PARP9: variants seen among roughly 807,000 people sequenced by gnomAD.
PARP9 encodes poly(ADP-ribose) polymerase family member 9.
In PARP9, 48 loss-of-function variants were observed where a neutral mutation model predicts 68.8. That is an observed-to-expected ratio of 0.70 (90% CI 0.55 to 0.89). The LOEUF (loss-of-function observed/expected upper bound fraction) is 0.89. PARP9 is among the 40% of genes least tolerant of loss of function. The pLI is 0.00. For synonymous variants in PARP9, 309 were observed against 333.8 expected (o/e 0.93, Z 0.81); for missense variants, 806 against 969.3 (o/e 0.83, Z 2.24).
At chr3:122,538,430 T>C (rs903923307) in intron 8 of PARP9, among the ~76,000 whole-genome samples, 6 of 152,236 alleles carry the variant, frequency 3.9e-5, no homozygotes, top group Non-Finnish European at 7.3e-5. Flanking sequence ...TGATATTCCT[T>C]ATAATGATAA....
intron 7 of PARP9, among the ~76,000 whole-genome samples, chr3:122,544,637 C>T (rs1470205571): frequency 2.6e-5 from 4 of 151,662 alleles, no homozygotes; most frequent in South Asian, 2.1e-4. Context: ...GGCAACATGG[C>T]GAAACCCCGT....
intron 7 of PARP9, among the ~76,000 whole-genome samples, chr3:122,544,248 T>C (rs1178256676): frequency 3.9e-5 from 6 of 152,322 alleles, no homozygotes; most frequent in African/African-American, 1.4e-4. Context: ...ATTCTTGATC[T>C]TTTCCAGTCA....
chr3:122,528,579 G>T lies in PARP9; in HGVS notation c.2245C>A (p.Leu749Met). 6.2e-7 allele frequency: 1 copy of T among 1,614,164 alleles called. No individual in the cohort carries two copies. Among genetic ancestry groups the T allele is most frequent in the East Asian group, 2.2e-5 (1 of 44,886 alleles). ...GHPLNIVPPP[L>M]SPGAIDGHDS... ...TGACCATCTATAGCTCCAGGACTCA[G>T]TGGTGGGGGAACAATATTTAACGGA... The change falls in exon 11 of 11, where the codon CTG (leucine) becomes ATG (methionine). Residue 749 changes from leucine to methionine, a missense_variant. Physicochemically the swap from Leu to Met is conservative, Grantham distance 15 (BLOSUM62 2). Coordinates refer to ENST00000682323, the MANE Select transcript of PARP9 (RefSeq NM_001146105.2).
intron 9 of PARP9, 77 bp from the exon 10 acceptor site, chr3:122,536,419 A>C (rs1211614055): frequency 6.5e-7 from 1 of 1,541,748 alleles, no homozygotes; most frequent in African/African-American, 1.4e-5. Context: ...CTGCTTCAAA[A>C]ATAAAGGAGC....
chr3:122,549,969 C>T (rs561278008), intron 6 of PARP9, among the ~76,000 whole-genome samples: 8 of 152,138 alleles, frequency 5.3e-5, no homozygotes, highest in African/African-American at 1.7e-4. Context: ...GGACCCCACA[C>T]TGAAACTAGA....
Position 122,555,739 on chromosome 3 carries a change from C to T in PARP9, c.432G>A (p.Glu144=). Residue 144 remains glutamate, a synonymous_variant, in exon 4 of 11, where the codon GAG becomes GAA. Transcript: ENST00000682323. ...VARYGKVSAG[E]IAVTGAGRLP... Reference sequence around the variant, plus strand: ...GCCTCCCTGCTCCCGTGACAGCTATCTCACCAGCTGACACTTTACCATATC... The same window carrying T: ...GCCTCCCTGCTCCCGTGACAGCTATTTCACCAGCTGACACTTTACCATATC... 3 of 1,614,106 alleles carry T rather than the reference C, an allele frequency of 1.9e-6. No homozygotes were observed. Among genetic ancestry groups the T allele is most frequent in the Admixed American group, 1.7e-5 (1 of 60,006 alleles).
Position 122,564,225 on chromosome 3 carries a change from G to A in PARP9, c.-90+20C>T. On this transcript the variant is annotated intron_variant, in intron 1 of 10. Coordinates refer to ENST00000682323, the MANE Select transcript of PARP9 (RefSeq NM_001146105.2). ...CAGGAGAGGGGACCCCGAGGGCCCA[G>A]AGGCACCGGACCTACTCACCCGGCA... The A allele has an allele frequency of 3.4e-6, 2 of 585,056 alleles. No individual in the cohort carries two copies. Among genetic ancestry groups the A allele is most frequent in the Non-Finnish European group, 5.7e-6 (2 of 353,982 alleles). The allele number at this position is 585,056 out of a possible 1,614,324, so 36.2% of individuals were successfully genotyped here.
intron 9 of PARP9, 69 bp from the exon 10 acceptor site, chr3:122,536,411 G>A (rs2077646162): frequency 1.3e-6 from 2 of 1,550,478 alleles, no homozygotes; most frequent in East Asian, 2.3e-5. Flanking sequence ...CTGCTATACT[G>A]CTTCAAAAAT....
chr3:122,563,705 C>A (rs994999008), intron 1 of PARP9, among the ~76,000 whole-genome samples: 3 of 151,994 alleles, frequency 2.0e-5, no homozygotes, highest in Non-Finnish European at 4.4e-5. Context: ...CTTTTCCCCC[C>A]AATCCTGTCC....
intron 8 of PARP9, among the ~76,000 whole-genome samples, chr3:122,539,508 T>TTTCC: frequency 1.1e-3 from 6 of 5,256 alleles, no homozygotes; most frequent in South Asian, 6.0e-3. Flanking sequence ...CAAGATGGCA[T>TTTCC]TTCTTTCTTT....
At chr3:122,563,434 AT>A (rs1320293682) in intron 1 of PARP9, among the ~76,000 whole-genome samples, 2 of 152,230 alleles carry the variant, frequency 1.3e-5, no homozygotes, top group Non-Finnish European at 2.9e-5. Flanking sequence ...AAATAACATC[AT>A]TACAGTTAAT....
At position 122,552,562 on chromosome 3, in the gene PARP9, TG is replaced by T; in HGVS notation, c.962del (p.Ala321GlufsTer5). On this transcript the variant is annotated frameshift_variant, in exon 5 of 11. Transcript: ENST00000682323. LOFTEE classifies it high-confidence loss of function. ...GAAATTCCGATTTCATTTCAACTCC[TG>T]CTTGTTGTAGAATTGACTTTGCCAC... is the stretch of plus-strand genomic sequence containing the variant. The part of the protein sequence containing the change: ...GPVAKSILQQ[A>X]GVEMKSEFLA... The T allele has an allele frequency of 6.2e-7, 1 of 1,614,126 alleles. No individual in the cohort carries two copies. Among genetic ancestry groups the T allele is most frequent in the Non-Finnish European group, 8.5e-7 (1 of 1,180,006 alleles).
chr3:122,551,924 G>A (rs2079234714), intron 5 of PARP9, among the ~76,000 whole-genome samples: 1 of 151,862 alleles, frequency 6.6e-6, no homozygotes, highest in African/African-American at 2.4e-5. Context: ...CTTCTTTGTT[G>A]TTTTGTTTGT....
At chr3:122,538,521 T>G (rs1015820915) in intron 8 of PARP9, among the ~76,000 whole-genome samples, 8 of 152,312 alleles carry the variant, frequency 5.3e-5, no homozygotes, top group Non-Finnish European at 1.0e-4. Flanking sequence ...CCTCTAAGGC[T>G]TCTATGGAAT....
At chr3:122,562,156 C>CTCTTTTCTTTTCTTTTCTTTTCTTT (rs11276615) in intron 1 of PARP9, among the ~76,000 whole-genome samples, 144 of 141,278 alleles carry the variant, frequency 1.0e-3, no homozygotes, top group African/African-American at 2.6e-3. Flanking sequence ...TGGCAATATA[C>CTCTTTTCTTTTCTTTTCTTTTCTTT]TCTTTTCTTT....
At chr3:122,553,838 T>A (rs1278116891) in intron 4 of PARP9, among the ~76,000 whole-genome samples, 1 of 152,050 alleles carries the variant, frequency 6.6e-6, no homozygotes, top group African/African-American at 2.4e-5. Context: ...CACTTATTTA[T>A]CTTTAATTTG....
chr3:122,555,246 TC>T, intron 4 of PARP9, 39 bp downstream of exon 4: 2 of 1,525,140 alleles, frequency 1.3e-6, no homozygotes, highest in Non-Finnish European at 1.8e-6. Context: ...TTTTCAGGGA[TC>T]ACCTGTGCCA....
intron 10 of PARP9, 105 bp downstream of exon 10, chr3:122,536,063 A>C: frequency 6.3e-7 from 1 of 1,594,370 alleles, no homozygotes; most frequent in Non-Finnish European, 8.6e-7. Flanking sequence ...ACAGTCACAA[A>C]TGATCCCTTC....
intron 6 of PARP9, among the ~76,000 whole-genome samples, chr3:122,546,314 GGGC>G (rs2078694177): frequency 6.6e-6 from 1 of 152,358 alleles, no homozygotes; most frequent in East Asian, 1.9e-4. Context: ...TCATGATGCT[GGGC>G]GGCGGCAGCA....
Sources: gnomAD v4.1 joint callset for allele counts (sites outside exome capture counted in the v4.1 genomes callset) on GRCh38, gnomAD v4.1.1 for gene constraint, MANE v1.5 for transcripts, NCBI Gene and HGNC (gene_info 2026-07-23, HGNC 2026-07-21) for gene names.